The following GFM2 variants were observed in gnomAD, a reference collection of about 807,000 sequenced individuals.
GFM2 encodes GTP dependent ribosome recycling factor mitochondrial 2, also known as ribosome-releasing factor 2, mitochondrial.
Under a neutral mutation model 95.4 loss-of-function variants are expected in GFM2, and 72 were observed. The observed-to-expected ratio is 0.76, with a 90% CI of 0.62 to 0.92. The LOEUF is 0.92. GFM2 is among the 40% of genes least tolerant of loss of function. The pLI is 0.00. For synonymous variants in GFM2, 276 were observed against 317.5 expected, an observed-to-expected ratio of 0.87 and a Z score of 1.39; for missense variants, 825 against 924.1, an observed-to-expected ratio of 0.89 and a Z score of 1.39.
intron 15 of GFM2, chr5:74,736,391 A>C (rs1354959383): frequency 1.0e-6 from 1 of 984,276 alleles, no homozygotes; most frequent in Non-Finnish European, 1.2e-6. Context: ...ACAGTATATA[A>C]ATATCTTCAT....
intron 17 of GFM2, among the ~76,000 whole-genome samples, chr5:74,726,654 C>T (rs1021998067): frequency 6.6e-6 from 1 of 152,086 alleles, no homozygotes; most frequent in Non-Finnish European, 1.5e-5. Context: ...TTGAAAACAG[C>T]ATCTCTTATT....
At chr5:74,742,106 G>C (rs1743138163) in intron 10 of GFM2, among the ~76,000 whole-genome samples, 2 of 152,146 alleles carry the variant, frequency 1.3e-5, no homozygotes, top group South Asian at 4.1e-4. Flanking sequence ...GGGAGGCGTA[G>C]GCAATATTTC....
At chr5:74,740,906 C>T (rs1743075954) in intron 11 of GFM2, among the ~76,000 whole-genome samples, 1 of 152,066 alleles carries the variant, frequency 6.6e-6, no homozygotes, top group East Asian at 1.9e-4. Flanking sequence ...CAGATTATTA[C>T]TTAGAAATAC....
chr5:74,761,710 C>T (rs1021503275), intron 2 of GFM2, among the ~76,000 whole-genome samples: 1 of 152,136 alleles, frequency 6.6e-6, no homozygotes, highest in African/African-American at 2.4e-5. Context: ...AAGCCTACCT[C>T]CTCTACCTTA....
At chr5:74,747,926 G>A in intron 7 of GFM2, 146 bp from the exon 8 acceptor site, 1 of 569,738 alleles carries the variant, frequency 1.8e-6, no homozygotes, top group South Asian at 2.3e-5. Flanking sequence ...TATATTTTTA[G>A]GGTCACTCTT....
rs114606851 is a variant in GFM2, at chr5:74,723,377, A to G, written c.2029-816T>C. ...CAACATGTCCCACACTGAGCTCATC[A>G]TTTTCTTCTCCAAACACTTCTATGC... On this transcript the variant is annotated intron_variant, in intron 19 of 20. Coordinates refer to ENST00000296805, the MANE Select transcript of GFM2 (RefSeq NM_032380.5). 3.7e-3 allele frequency among the ~76,000 whole-genome samples: 561 copies of G among 152,092 alleles called. 6 individuals carry two copies. Among genetic ancestry groups the G allele is most frequent in the African/African-American group, 0.013 (538 of 41,524 alleles).
At chr5:74,732,024 A>C (rs1742590463) in intron 16 of GFM2, among the ~76,000 whole-genome samples, 1 of 151,574 alleles carries the variant, frequency 6.6e-6, no homozygotes, top group African/African-American at 2.4e-5. Flanking sequence ...GTATGATCAC[A>C]GCTCACTGTG....
chr5:74,733,233 G>A (rs940092676), intron 15 of GFM2, 135 bp from the exon 16 acceptor site: 5 of 595,462 alleles, frequency 8.4e-6, no homozygotes, highest in African/African-American at 5.6e-5. Context: ...ACTCACGTCT[G>A]TAATCCCAGC....
intron 15 of GFM2, chr5:74,736,590 G>A (rs1398068413): frequency 1.4e-6 from 2 of 1,407,466 alleles, no homozygotes; most frequent in Non-Finnish European, 1.8e-6. Context: ...TGAGAAGAAT[G>A]GCCAAGAAAT....
chr5:74,729,508 T>C (rs905200619), intron 17 of GFM2, among the ~76,000 whole-genome samples: 1 of 152,186 alleles, frequency 6.6e-6, no homozygotes, highest in African/African-American at 2.4e-5. Context: ...AGTTGTTATT[T>C]TGAGTTCTCT....
At chr5:74,735,263 A>G (rs1218493835) in intron 15 of GFM2, among the ~76,000 whole-genome samples, 1 of 152,208 alleles carries the variant, frequency 6.6e-6, no homozygotes, top group Non-Finnish European at 1.5e-5. Flanking sequence ...GCAAGTGGAC[A>G]CAAAAAGACT....
Position 74,745,658 on chromosome 5 carries a change from T to G in GFM2, c.849+20A>C. Reference sequence around the variant, plus strand: ...GTGGTGCACACATTGGTGTTCATTTTATCATTCATTATACTTTACTTGTTC... The same window carrying G: ...GTGGTGCACACATTGGTGTTCATTTGATCATTCATTATACTTTACTTGTTC... On this transcript the variant is annotated intron_variant, in intron 10 of 20. Coordinates refer to ENST00000296805, the MANE Select transcript of GFM2 (RefSeq NM_032380.5). 6.3e-7 allele frequency: 1 copy of G among 1,578,430 alleles called. No individual in the cohort carries two copies. The highest frequency in any genetic ancestry group is 8.6e-7 in the Non-Finnish European group (1 of 1,156,416).
intron 15 of GFM2, among the ~76,000 whole-genome samples, chr5:74,734,624 CA>C (rs1240824468): frequency 2.6e-5 from 4 of 152,130 alleles, no homozygotes; most frequent in Non-Finnish European, 5.9e-5. Flanking sequence ...GATACTCAAA[CA>C]GAGTACATGC....
At chr5:74,737,817 C>T (rs972134169) in intron 14 of GFM2, among the ~76,000 whole-genome samples, 1 of 152,142 alleles carries the variant, frequency 6.6e-6, no homozygotes, top group Non-Finnish European at 1.5e-5. Flanking sequence ...TTCATCGATT[C>T]ATCCTACAAT....
At chr5:74,763,617 C>T (rs1223238398) in intron 2 of GFM2, 63 bp downstream of exon 2, 3 of 890,074 alleles carry the variant, frequency 3.4e-6, no homozygotes, top group Non-Finnish European at 1.9e-6. Flanking sequence ...ATATACTGGG[C>T]ATTTTAGGCA....
At chr5:74,758,090 T>G (rs1744091989) in intron 5 of GFM2, among the ~76,000 whole-genome samples, 1 of 152,238 alleles carries the variant, frequency 6.6e-6, no homozygotes, top group Non-Finnish European at 1.5e-5. Flanking sequence ...ATTTTATGTT[T>G]TTTTAACTAC....
intron 2 of GFM2, among the ~76,000 whole-genome samples, chr5:74,761,902 C>T (rs897817822): frequency 6.6e-6 from 1 of 152,158 alleles, no homozygotes; most frequent in Non-Finnish European, 1.5e-5. Flanking sequence ...TCTGTGCGAT[C>T]TATATTATTT....
chr5:74,765,143 A>T (rs1327489268), intron 1 of GFM2: 2 of 1,173,294 alleles, frequency 1.7e-6, no homozygotes, highest in Non-Finnish European at 1.1e-6. Flanking sequence ...TAGTCTCTCC[A>T]CAGTTGTGAC....
In GFM2 at chr5:74,722,580, G is replaced by GTTAAC. The variant is rs778101294; in HGVS notation, c.2029-24_2029-20dup. Reference sequence around the variant, plus strand: ...TCAGAGCCTAAAGAAATTAAAGAATGTTAACTTATCTTTCATAAATAAAAA... The same window carrying GTTAAC: ...TCAGAGCCTAAAGAAATTAAAGAATGTTAACTTAACTTATCTTTCATAAATAAAAA... On this transcript the variant is annotated intron_variant, in intron 19 of 20. Transcript: ENST00000296805. 1.3e-6 allele frequency: 2 copies of GTTAAC among 1,583,690 alleles called. No individual in the cohort carries two copies. The highest frequency in any genetic ancestry group is 2.3e-5 in the South Asian group (2 of 86,588).
Sources: allele counts gnomAD v4.1 joint callset (sites outside exome capture counted in the v4.1 genomes callset), GRCh38; gene constraint gnomAD v4.1.1; transcripts MANE v1.5; gene names NCBI Gene and HGNC (gene_info 2026-07-23, HGNC 2026-07-21).